The following SAMSN1 variants were observed in gnomAD, a reference collection of about 807,000 sequenced individuals.
SAMSN1 encodes SAM domain-containing protein SAMSN-1.
In SAMSN1, 31 loss-of-function variants were observed where a neutral mutation model predicts 42.0. That is an observed-to-expected ratio of 0.74 (90% CI 0.55 to 1.00). The LOEUF is 1.00. Ranked by LOEUF, SAMSN1 falls within the 50% of genes least tolerant of loss-of-function variation. The pLI is 0.00. For missense variants in SAMSN1, 464 were observed against 439.4 expected (o/e 1.06, Z -0.50); for synonymous variants, 178 against 151.9 (o/e 1.17, Z -1.26).
At chr21:14,609,798 A>C (rs1982658900) in intron 4 of SAMSN1, among the ~76,000 whole-genome samples, 1 of 152,216 alleles carries the variant, frequency 6.6e-6, no homozygotes, top group Non-Finnish European at 1.5e-5. Context: ...GACATTTATT[A>C]GTTCCCCAAA....
At chr21:14,606,630 A>T (rs550347587) in intron 5 of SAMSN1, among the ~76,000 whole-genome samples, 1 of 152,218 alleles carries the variant, frequency 6.6e-6, no homozygotes, top group South Asian at 2.1e-4. Context: ...CCTGAATTAT[A>T]GATTAATTTC....
chr21:14,583,585 A>G (rs1981824464), upstream of SAMSN1: 1 of 681,438 alleles, frequency 1.5e-6, no homozygotes, highest in Non-Finnish European at 2.7e-6. Context: ...AATGGGCTTC[A>G]TTAACGTATG....
chr21:14,541,448 C>A (rs10854319), intron 1 of SAMSN1, among the ~76,000 whole-genome samples: 82,429 of 151,978 alleles, frequency 0.54, 22,768 homozygotes, highest in East Asian at 0.79. Flanking sequence ...GACGGCTTTG[C>A]ATGTGGCCCC....
chr21:14,645,907 A>C (rs770241627), intron 1 of SAMSN1, among the ~76,000 whole-genome samples: 3 of 152,224 alleles, frequency 2.0e-5, no homozygotes, highest in Non-Finnish European at 2.9e-5. Flanking sequence ...AGCAGAATGT[A>C]TAAGCAGAAG....
chr21:14,571,765 C>T (rs1981308793), intron 2 of SAMSN1, among the ~76,000 whole-genome samples: 1 of 152,072 alleles, frequency 6.6e-6, no homozygotes, highest in Non-Finnish European at 1.5e-5. Flanking sequence ...ACGGTGATGC[C>T]AGCATGTGCA....
chr21:14,574,540 G>GTTT (rs1260428158), intron 2 of SAMSN1, among the ~76,000 whole-genome samples: 1 of 152,068 alleles, frequency 6.6e-6, no homozygotes, highest in Non-Finnish European at 1.5e-5. Context: ...CAGGACTATT[G>GTTT]TTTTCACATA....
At chr21:14,604,021 G>C (rs1421933979) in intron 5 of SAMSN1, among the ~76,000 whole-genome samples, 2 of 152,158 alleles carry the variant, frequency 1.3e-5, no homozygotes, top group Non-Finnish European at 2.9e-5. Context: ...CAGCTATAGA[G>C]GTACCATTTT....
upstream of SAMSN1, among the ~76,000 whole-genome samples, chr21:14,550,347 C>T (rs951911329): frequency 1.3e-5 from 2 of 152,134 alleles, no homozygotes; most frequent in African/African-American, 4.8e-5. Flanking sequence ...TAATGTGTTA[C>T]TAATTGAAAA....
At chr21:14,577,295 A>T (rs1259743710) in intron 2 of SAMSN1, among the ~76,000 whole-genome samples, 9 of 58,306 alleles carry the variant, frequency 1.5e-4, no homozygotes, top group African/African-American at 3.7e-4. Flanking sequence ...TTTTTTTTTT[A>T]GAAGAGACAG....
rs1981432264 is a variant in SAMSN1 at position 14,575,552 on chromosome 21, T to A, written c.261+6584A>T. Among the ~76,000 whole-genome samples, 2 of 152,222 alleles carry A rather than the reference T, an allele frequency of 1.3e-5. 1 individual carries two copies. The highest frequency in any genetic ancestry group is 4.1e-4 in the South Asian group (2 of 4,838). On this transcript the variant is annotated intron_variant, in intron 2 of 8. Coordinates refer to the SAMSN1 transcript ENST00000285670. ...ATAATTCCACTGCAAAAAAGTAAAT[T>A]TAAAGCTGTTCCAACAACTGATTTT...
intron 5 of SAMSN1, among the ~76,000 whole-genome samples, chr21:14,604,339 A>C (rs1341415843): frequency 6.6e-6 from 1 of 151,920 alleles, no homozygotes; most frequent in Non-Finnish European, 1.5e-5. Flanking sequence ...TCTCCTGTTG[A>C]CTCTGGGGTG....
chr21:14,531,841 C>G (rs992115111), intron 1 of SAMSN1, among the ~76,000 whole-genome samples: 1 of 152,306 alleles, frequency 6.6e-6, no homozygotes, highest in African/African-American at 2.4e-5. Flanking sequence ...CTCCCTTTTA[C>G]TTCCATTAGT....
intron 5 of SAMSN1, among the ~76,000 whole-genome samples, chr21:14,608,536 C>A (rs1263975147): frequency 6.6e-6 from 1 of 152,144 alleles, no homozygotes; most frequent in Non-Finnish European, 1.5e-5. Flanking sequence ...ATTCCTGGTG[C>A]TGTGCTGGGC....
chr21:14,516,947 CA>C lies in SAMSN1; in HGVS notation c.223del (p.Trp75GlyfsTer3). On this transcript the variant is annotated frameshift_variant, in exon 3 of 8. Coordinates refer to ENST00000400566, the MANE Select transcript of SAMSN1 (RefSeq NM_022136.5). LOFTEE classifies it high-confidence loss of function. ...TTTACCCACTTTTTTCTTCATTGTC[CA>C]TGAAATAGCTCTCATTTTTTTACCC... ...GLGKKMRAIS[W>X]TMKKKVGKKY... 1 of 1,613,024 alleles carries C rather than the reference CA, an allele frequency of 6.2e-7. No homozygotes were observed. Among genetic ancestry groups the C allele is most frequent in the Non-Finnish European group, 8.5e-7 (1 of 1,179,374 alleles).
At position 14,581,081 on chromosome 21, in the gene SAMSN1, AAAG is replaced by A. The variant is rs758175268; in HGVS notation, c.261+1052_261+1054del. The stretch of plus-strand genomic sequence containing the variant: ...AAATAACTTATCCAAGCCCAAAAAA[AAAG>A]TAGCACAGCCAGAATCCATCCAAAT... On this transcript the variant is annotated intron_variant, in intron 2 of 8. Transcript: ENST00000285670. Among the ~76,000 whole-genome samples, 13 of 152,304 alleles carry A rather than the reference AAAG, an allele frequency of 8.5e-5. 1 individual carries two copies. The East Asian group carries it at 1.7e-3, about 20-fold the overall frequency.
intron 2 of SAMSN1, among the ~76,000 whole-genome samples, chr21:14,555,985 A>G (rs771214751): frequency 1.3e-5 from 2 of 152,190 alleles, no homozygotes; most frequent in Non-Finnish European, 2.9e-5. Flanking sequence ...GCAAAGAGGA[A>G]AGTAGATTGT....
At chr21:14,626,503 T>C (rs1007576686) in intron 2 of SAMSN1, among the ~76,000 whole-genome samples, 1 of 152,132 alleles carries the variant, frequency 6.6e-6, no homozygotes, top group Non-Finnish European at 1.5e-5. Context: ...AGAAGACATT[T>C]ATGCAGCCAA....
chr21:14,503,881 G>T (rs994815853), intron 5 of SAMSN1, among the ~76,000 whole-genome samples: 1 of 152,106 alleles, frequency 6.6e-6, no homozygotes, highest in Non-Finnish European at 1.5e-5. Context: ...TCTAAATACC[G>T]TGCTGGCATC....
At chr21:14,624,636 T>C (rs145740331) in intron 2 of SAMSN1, among the ~76,000 whole-genome samples, 2,036 of 152,282 alleles carry the variant, frequency 0.013, 46 homozygotes, top group African/African-American at 0.047. Context: ...CCATAATTAA[T>C]AGCCTACCAA....
Sources: gnomAD v4.1 joint callset for allele counts (sites outside exome capture counted in the v4.1 genomes callset) on GRCh38, gnomAD v4.1.1 for gene constraint, MANE v1.5 for transcripts, NCBI Gene and HGNC (gene_info 2026-07-23, HGNC 2026-07-21) for gene names.